Variants in PKHD1 observed in about 807,000 individuals in gnomAD.
The protein encoded by PKHD1 is fibrocystin.
Under a neutral mutation model 412.0 loss-of-function variants are expected in PKHD1, and 291 were observed. The observed-to-expected ratio is 0.71, with a 90% CI of 0.64 to 0.78. PKHD1 has a LOEUF of 0.78. Among genes scored for constraint, PKHD1 ranks in the 30% least tolerant of loss-of-function variants. PKHD1 has a pLI of 0.00. For synonymous variants in PKHD1, 1,777 were observed against 1,821.5 expected, an observed-to-expected ratio of 0.98 and a Z score of 0.62; for missense variants, 4,825 against 4,950.7, an observed-to-expected ratio of 0.97 and a Z score of 0.76.
intron 60 of PKHD1, among the ~76,000 whole-genome samples, chr6:51,737,269 C>T (rs1035126377): frequency 1.3e-5 from 2 of 152,070 alleles, no homozygotes; most frequent in African/African-American, 4.8e-5. Context: ...AAAAGCTTAT[C>T]GTGAGTTTAT....
intron 37 of PKHD1, among the ~76,000 whole-genome samples, chr6:51,924,528 T>G (rs1315127415): frequency 6.6e-6 from 1 of 152,160 alleles, no homozygotes; most frequent in East Asian, 1.9e-4. Flanking sequence ...AAAGATCAAC[T>G]TGGCTCCAGG....
At chr6:52,042,816 G>A (rs1196546550) in intron 27 of PKHD1, 43 bp downstream of exon 27, 1 of 1,579,086 alleles carries the variant, frequency 6.3e-7, no homozygotes, top group Non-Finnish European at 8.7e-7. Context: ...AAGAACACTA[G>A]CTTCAGAGGG....
intron 11 of PKHD1, among the ~76,000 whole-genome samples, chr6:52,068,372 T>G (rs887694611): frequency 6.6e-6 from 1 of 152,162 alleles, no homozygotes. Context: ...AGCTGTGTCA[T>G]CAGAGATACC....
chr6:52,009,013 C>T (rs956300279), intron 35 of PKHD1, among the ~76,000 whole-genome samples: 1 of 152,210 alleles, frequency 6.6e-6, no homozygotes, highest in Admixed American at 6.5e-5. Context: ...TGTCACACAG[C>T]AGTCTCAGCG....
chr6:51,690,314 T>G (rs1778005076), intron 60 of PKHD1, among the ~76,000 whole-genome samples: 1 of 146,860 alleles, frequency 6.8e-6, no homozygotes, highest in South Asian at 2.1e-4. Flanking sequence ...TAGGGAAAAT[T>G]ATTTTTAAAT....
chr6:51,647,900 A>G, intron 63 of PKHD1, 131 bp downstream of exon 63: 1 of 697,530 alleles, frequency 1.4e-6, no homozygotes, highest in East Asian at 2.6e-5. Context: ...TTAGGGATGA[A>G]GGAGTTTCTT....
chr6:52,065,355 G>C (rs898366614), intron 12 of PKHD1, among the ~76,000 whole-genome samples: 2 of 151,714 alleles, frequency 1.3e-5, no homozygotes, highest in African/African-American at 4.8e-5. Flanking sequence ...CAGAGCATAG[G>C]GCAGCGTGGA....
intron 60 of PKHD1, among the ~76,000 whole-genome samples, chr6:51,734,779 T>G (rs143811097): frequency 1.4e-3 from 211 of 152,082 alleles, no homozygotes; most frequent in Non-Finnish European, 1.1e-3. Flanking sequence ...ACCTGACGAG[T>G]ACTATGTTGA....
intron 60 of PKHD1, among the ~76,000 whole-genome samples, chr6:51,684,743 A>T (rs1405826354): frequency 6.6e-6 from 1 of 152,146 alleles, no homozygotes. Context: ...GCACTTAAGC[A>T]GCATACTGCA....
In PKHD1 at chr6:51,626,957, G is replaced by A. The variant is rs760546911; in HGVS notation, c.11785+40C>T. 9.4e-5 allele frequency: 151 copies of A among 1,609,638 alleles called. 1 individual carries two copies. The East Asian group carries it at 3.3e-3, about 35-fold the overall frequency. On this transcript the variant is annotated intron_variant, in intron 66 of 66. Coordinates refer to ENST00000371117, the MANE Select transcript of PKHD1 (RefSeq NM_138694.4). ...AGGGAGGCTCAGACCATCCACAGTG[G>A]GTCTCTCCTGTGGGGATCATCTCCA... is the stretch of plus-strand genomic sequence containing the variant.
At chr6:52,061,630 T>C (rs754085117) in intron 14 of PKHD1, among the ~76,000 whole-genome samples, 4 of 151,970 alleles carry the variant, frequency 2.6e-5, no homozygotes, top group Non-Finnish European at 4.4e-5. Context: ...ATCTATTAGA[T>C]TGGTGCAAAA....
intron 66 of PKHD1, among the ~76,000 whole-genome samples, chr6:51,626,259 T>A (rs1188071562): frequency 6.6e-6 from 1 of 152,172 alleles, no homozygotes; most frequent in Non-Finnish European, 1.5e-5. Flanking sequence ...GAAAATATGA[T>A]AATTGACTCT....
intron 34 of PKHD1, among the ~76,000 whole-genome samples, chr6:52,014,893 C>A (rs1220700482): frequency 6.6e-6 from 1 of 152,144 alleles, no homozygotes; most frequent in Non-Finnish European, 1.5e-5. Flanking sequence ...TGACATCAAA[C>A]CCCATAGATG....
At chr6:52,020,359 C>T (rs544237212) in intron 33 of PKHD1, among the ~76,000 whole-genome samples, 15 of 152,236 alleles carry the variant, frequency 9.9e-5, no homozygotes, top group Admixed American at 1.3e-4. Flanking sequence ...TGGGATCAGA[C>T]GATACACAGG....
intron 64 of PKHD1, among the ~76,000 whole-genome samples, chr6:51,635,212 G>A (rs929678878): frequency 9.9e-5 from 15 of 152,088 alleles, no homozygotes; most frequent in African/African-American, 3.6e-4. Flanking sequence ...TTACAGGCAT[G>A]AGCCACCCCG....
At chr6:51,886,405 C>T (rs972708503) in intron 44 of PKHD1, among the ~76,000 whole-genome samples, 1 of 152,120 alleles carries the variant, frequency 6.6e-6, no homozygotes, top group Non-Finnish European at 1.5e-5. Flanking sequence ...AGATGTCCAT[C>T]AATAGGTTAA....
chr6:51,816,713 A>T (rs1039705753), intron 52 of PKHD1, among the ~76,000 whole-genome samples: 1 of 152,232 alleles, frequency 6.6e-6, no homozygotes, highest in Non-Finnish European at 1.5e-5. Flanking sequence ...AGCTGTAACC[A>T]ATCTGGCCAT....
intron 40 of PKHD1, among the ~76,000 whole-genome samples, chr6:51,907,351 C>G (rs137899891): frequency 2.4e-4 from 37 of 152,214 alleles, no homozygotes; most frequent in African/African-American, 8.4e-4. Flanking sequence ...CCACATTCCC[C>G]TCAATCTCAG....
intron 55 of PKHD1, among the ~76,000 whole-genome samples, chr6:51,761,397 G>A (rs1044836508): frequency 1.1e-4 from 17 of 152,086 alleles, no homozygotes; most frequent in African/African-American, 4.1e-4. Flanking sequence ...GGACTAGAGA[G>A]TAGAATGCAG....
Sources: allele counts gnomAD v4.1 joint callset (sites outside exome capture counted in the v4.1 genomes callset), GRCh38; gene constraint gnomAD v4.1.1; transcripts MANE v1.5; gene names NCBI Gene and HGNC (gene_info 2026-07-23, HGNC 2026-07-21).